Variants in PALLD observed in about 807,000 individuals in gnomAD.
PALLD encodes the protein palladin.
PALLD carries 61 observed loss-of-function variants against 123.5 expected under a neutral mutation model. That is an observed-to-expected ratio of 0.49 (90% CI 0.40 to 0.61). PALLD has a LOEUF of 0.61. Ranked by LOEUF, PALLD falls within the 20% of genes least tolerant of loss-of-function variation. The probability of loss-of-function intolerance (pLI) is 0.00; values close to 1 mark genes in which losing one functional copy is unlikely to be tolerated. For missense variants in PALLD, 1,273 were observed against 1,377.0 expected, an observed-to-expected ratio of 0.92 and a Z score of 1.20; for synonymous variants, 465 against 496.4, an observed-to-expected ratio of 0.94 and a Z score of 0.84.
chr4:168,830,699 A>G (rs1224078595), intron 10 of PALLD, among the ~76,000 whole-genome samples: 2 of 152,232 alleles, frequency 1.3e-5, no homozygotes, highest in African/African-American at 4.8e-5. Context: ...TTTAAAGAAC[A>G]ATATTTGGTT....
At chr4:168,544,418 A>G (rs977625419) in intron 2 of PALLD, among the ~76,000 whole-genome samples, 15 of 152,196 alleles carry the variant, frequency 9.9e-5, no homozygotes, top group Non-Finnish European at 1.9e-4. Flanking sequence ...TCTTGAGGTT[A>G]ATGTGTGTGT....
chr4:168,658,408 C>T (rs1778814814), intron 2 of PALLD, among the ~76,000 whole-genome samples: 1 of 151,768 alleles, frequency 6.6e-6, no homozygotes, highest in South Asian at 2.1e-4. Context: ...CCTCAGCCTC[C>T]TGAGTACCTG....
Position 168,866,391 on chromosome 4 carries a change from G to T in PALLD, c.1965-24531G>T, listed in dbSNP as rs535418089. Among the ~76,000 whole-genome samples the T allele has an allele frequency of 2.6e-5, 4 of 152,236 alleles. No homozygotes were observed. The East Asian group carries it at 7.7e-4, about 29-fold the overall frequency. ...AACGTGTTCAAAAAAGAGAGTGAAG[G>T]ACAGAACCATAAGTATGTAGGAACT... is the stretch of plus-strand genomic sequence containing the variant. On this transcript the variant is annotated intron_variant, in intron 10 of 21. Transcript: ENST00000505667.
chr4:168,709,812 G>A (rs1030281829), intron 9 of PALLD, among the ~76,000 whole-genome samples: 1 of 151,896 alleles, frequency 6.6e-6, no homozygotes, highest in Non-Finnish European at 1.5e-5. Flanking sequence ...GATAATGATC[G>A]TGTAGCAACT....
chr4:168,861,279 T>TAA (rs11459765), intron 10 of PALLD, among the ~76,000 whole-genome samples: 84,992 of 149,306 alleles, frequency 0.57, 27,381 homozygotes, highest in East Asian at 0.87. Flanking sequence ...AATATGGAAT[T>TAA]AAAAAAAAAA....
Position 168,540,435 on chromosome 4 carries a change from C to T in PALLD, c.908+28023C>T, listed in dbSNP as rs186232225. On this transcript the variant is annotated intron_variant, in intron 2 of 21. Transcript: ENST00000505667. ...CACAAAACTACAGAAACCACCTCACCCTCTTTCTGTCCTTAGGGTTCATGC... is the reference window on the plus strand; with the variant it reads ...CACAAAACTACAGAAACCACCTCACTCTCTTTCTGTCCTTAGGGTTCATGC... Among the ~76,000 whole-genome samples, 563 of 152,238 alleles carry T rather than the reference C, an allele frequency of 3.7e-3. 2 individuals are homozygous for T. Among genetic ancestry groups the T allele is most frequent in the Non-Finnish European group, 5.6e-3 (383 of 68,026 alleles).
chr4:168,804,386 G>T (rs1739829163), intron 10 of PALLD, among the ~76,000 whole-genome samples: 1 of 152,172 alleles, frequency 6.6e-6, no homozygotes, highest in Non-Finnish European at 1.5e-5. Flanking sequence ...TATAGGAGAG[G>T]AACTACAAGG....
At chr4:168,835,262 T>G (rs560740531) in intron 10 of PALLD, among the ~76,000 whole-genome samples, 2 of 152,182 alleles carry the variant, frequency 1.3e-5, no homozygotes, top group African/African-American at 4.8e-5. Flanking sequence ...ACTTCAAAAA[T>G]TGCCTCCCAT....
intron 2 of PALLD, among the ~76,000 whole-genome samples, chr4:168,600,161 GTGTT>G (rs60215458): frequency 0.098 from 14,912 of 151,484 alleles, 801 homozygotes; most frequent in Admixed American, 0.13. Flanking sequence ...TATATAAACT[GTGTT>G]TGTGTGTGTA....
At chr4:168,761,645 G>GTTTGTTTTTTTTT (rs1561493717) in intron 10 of PALLD, among the ~76,000 whole-genome samples, 1 of 88,024 alleles carries the variant, frequency 1.1e-5, no homozygotes, top group Non-Finnish European at 2.2e-5. Context: ...GTTGTTGTTT[G>GTTTGTTTTTTTTT]TTTTTTTTTT....
At chr4:168,821,970 A>G (rs1033132140) in intron 10 of PALLD, among the ~76,000 whole-genome samples, 6 of 151,624 alleles carry the variant, frequency 4.0e-5, no homozygotes, top group African/African-American at 1.5e-4. Context: ...ATAATACCCC[A>G]ACACCCATTT....
At chr4:168,635,880 A>C (rs1384501714) in intron 2 of PALLD, among the ~76,000 whole-genome samples, 1 of 152,234 alleles carries the variant, frequency 6.6e-6, no homozygotes, top group African/African-American at 2.4e-5. Flanking sequence ...AAAATCTTAT[A>C]GAATTGGAAA....
At chr4:168,755,097 G>C (rs900947225) in intron 10 of PALLD, among the ~76,000 whole-genome samples, 6 of 152,110 alleles carry the variant, frequency 3.9e-5, no homozygotes, top group Non-Finnish European at 7.4e-5. Context: ...GCCAGGCGTG[G>C]TGGCGGGCGC....
In PALLD at chr4:168,711,633, C is replaced by A; in HGVS notation, c.1674C>A (p.His558Gln). ...CAATGGGAGAATCCAACAATGACCA[C>A]TTCCAACACTTTCCACCTCCCCCTC... ...YESMGESNNDHFQHFPPPPPI... is the reference protein window; with the variant it reads ...YESMGESNNDQFQHFPPPPPI... The change falls in exon 10 of 22, where the codon CAC (histidine) becomes CAA (glutamine). Residue 558 changes from histidine (H) to glutamine (Q), a missense_variant. By Grantham distance (24) the His-to-Gln change is conservative. This residue lies in a region of PALLD where 944 missense variants were observed against 954.5 expected (regional missense o/e 0.99). Coordinates refer to ENST00000505667, the MANE Select transcript of PALLD (RefSeq NM_001166108.2). 6.2e-7 allele frequency: 1 copy of A among 1,614,144 alleles called. No homozygotes were observed. The highest frequency in any genetic ancestry group is 8.5e-7 in the Non-Finnish European group (1 of 1,179,998).
intron 2 of PALLD, among the ~76,000 whole-genome samples, chr4:168,539,081 A>G (rs1326512912): frequency 6.6e-6 from 1 of 152,256 alleles, no homozygotes; most frequent in Non-Finnish European, 1.5e-5. Flanking sequence ...TGTTAAGAAC[A>G]TTGTGAGTAC....
At chr4:168,908,231 T>C (rs1000129077) in intron 15 of PALLD, among the ~76,000 whole-genome samples, 38 of 152,236 alleles carry the variant, frequency 2.5e-4, no homozygotes, top group African/African-American at 9.2e-4. Flanking sequence ...ATATAAGTTC[T>C]GTGAGTCATC....
At chr4:168,809,214 G>A (rs1275989553) in intron 10 of PALLD, among the ~76,000 whole-genome samples, 6 of 152,122 alleles carry the variant, frequency 3.9e-5, no homozygotes, top group African/African-American at 1.4e-4. Flanking sequence ...GAAAACTGAA[G>A]CTCATTCTCT....
At chr4:168,690,550 T>A in intron 6 of PALLD, 53 bp from the exon 7 acceptor site, 2 of 1,611,776 alleles carry the variant, frequency 1.2e-6, no homozygotes, top group Middle Eastern at 1.7e-4. Context: ...TGAAATTGCT[T>A]AAAAATGCAC....
At chr4:168,902,160 T>A (rs946813845) in intron 14 of PALLD, among the ~76,000 whole-genome samples, 1 of 152,222 alleles carries the variant, frequency 6.6e-6, no homozygotes, top group Non-Finnish European at 1.5e-5. Context: ...TGACAGACAG[T>A]TGAATTTGAA....
Sources: gnomAD v4.1 joint callset for allele counts (sites outside exome capture counted in the v4.1 genomes callset) on GRCh38, gnomAD v4.1.1 for gene constraint, gnomAD v4.1.1 regional missense constraint, MANE v1.5 for transcripts, NCBI Gene and HGNC (gene_info 2026-07-23, HGNC 2026-07-21) for gene names.